Variants in ZBTB1 observed in about 807,000 individuals in gnomAD.
ZBTB1 encodes zinc finger and BTB domain containing 1.
ZBTB1 carries 13 observed loss-of-function variants against 51.6 expected under a neutral mutation model. The observed-to-expected ratio is 0.25, with a 90% CI of 0.16 to 0.40. The LOEUF (loss-of-function observed/expected upper bound fraction) is 0.40. Among genes scored for constraint, ZBTB1 ranks in the 10% least tolerant of loss-of-function variants. ZBTB1 has a pLI of 1.00. For missense variants in ZBTB1, 567 were observed against 856.5 expected, an observed-to-expected ratio of 0.66 and a Z score of 4.22; for synonymous variants, 240 against 282.2, an observed-to-expected ratio of 0.85 and a Z score of 1.50.
intron 1 of ZBTB1, among the ~76,000 whole-genome samples, chr14:64,520,235 C>A (rs1302400685): frequency 6.6e-6 from 1 of 152,114 alleles, no homozygotes; most frequent in Non-Finnish European, 1.5e-5. Flanking sequence ...GATCTCCTGA[C>A]CTCGTGATCC....
Position 64,523,881 on chromosome 14 carries a change from T to C in ZBTB1, c.*235T>C, listed in dbSNP as rs2079882796. On this transcript the variant is annotated 3_prime_UTR_variant, in exon 2 of 2. Transcript: ENST00000683701. This position sits in a 1 kb window ranked among gnomAD's most constrained non-coding sequence, Gnocchi z 4.5. ...TGTTTTTAGTTTTTCTTAGCTATGA[T>C]TAAAATTTTTAAATGTAGACTACAA... 1 of 1,193,386 alleles carries C rather than the reference T, an allele frequency of 8.4e-7. No individual in the cohort carries two copies. Among genetic ancestry groups the C allele is most frequent in the Non-Finnish European group, 1.1e-6 (1 of 950,972 alleles). The allele number at this position is 1,193,386 out of a possible 1,614,324, so 73.9% of individuals were successfully genotyped here.
At chr14:64,526,235 A>T (rs534565549), downstream of ZBTB1, among the ~76,000 whole-genome samples, 2 of 152,184 alleles carry the variant, frequency 1.3e-5, no homozygotes, top group Non-Finnish European at 2.9e-5. Context: ...ATCAAGGCAA[A>T]AAGTTAAAGA....
At position 64,524,657 on chromosome 14, in the gene ZBTB1, C is replaced by T; in HGVS notation, c.*1011C>T. The T allele has an allele frequency of 8.1e-6, 8 of 984,542 alleles. No individual in the cohort carries two copies. The highest frequency in any genetic ancestry group is 8.4e-6 in the Non-Finnish European group (7 of 829,270). The allele number at this position is 984,542 out of a possible 1,614,324, so 61.0% of individuals were successfully genotyped here. A position where few individuals can be genotyped will look rare whatever the true frequency, so the allele number is the denominator to read the frequency against. On this transcript the variant is annotated 3_prime_UTR_variant, in exon 2 of 2. Coordinates refer to ENST00000683701, the MANE Select transcript of ZBTB1 (RefSeq NM_001123329.2). ...GAGATCAATTATAAACCTGGTTGTTCTATAAAAGTAGAGTGCACAAAAAAA... is the reference window on the plus strand; with the variant it reads ...GAGATCAATTATAAACCTGGTTGTTTTATAAAAGTAGAGTGCACAAAAAAA...
At chr14:64,510,392 A>G (rs1411467246) in intron 1 of ZBTB1, among the ~76,000 whole-genome samples, 2 of 152,214 alleles carry the variant, frequency 1.3e-5, no homozygotes, top group African/African-American at 4.8e-5. Context: ...AGCTGTTCTG[A>G]TTATTAAAAT....
intron 1 of ZBTB1, chr14:64,516,576 G>A (rs2079788617): frequency 6.6e-6 from 1 of 152,250 alleles, no homozygotes; most frequent in Admixed American, 6.5e-5. Context: ...GTCTGACTGA[G>A]AGCACTTGTT....
At position 64,522,510 on chromosome 14, in the gene ZBTB1, A is replaced by G; in HGVS notation, c.1006A>G (p.Thr336Ala). ...IIKMEPEDIP[T>A]DELKDFNIIK... ...TAAGATGGAGCCAGAAGATATTCCT[A>G]CAGATGAACTGAAAGACTTTAACAT... Residue 336 changes from threonine to alanine, a missense_variant, in exon 2 of 2, where the codon ACA (threonine) becomes GCA (alanine). Thr to Ala is a moderately conservative substitution (Grantham distance 58, BLOSUM62 0). Coordinates refer to ENST00000683701, the MANE Select transcript of ZBTB1 (RefSeq NM_001123329.2). The G allele has an allele frequency of 6.2e-7, 1 of 1,614,168 alleles. No individual in the cohort carries two copies. Among genetic ancestry groups the G allele is most frequent in the Non-Finnish European group, 8.5e-7 (1 of 1,180,016 alleles).
rs2079782092 is a variant in ZBTB1, at chr14:64,516,079, A to G, written c.-18-5408A>G. Reference sequence around the variant, plus strand: ...AAGACCTCATCACTACAAAAAATATACAAAAATTAGCCAGTCATGGTGGCG... The same window carrying G: ...AAGACCTCATCACTACAAAAAATATGCAAAAATTAGCCAGTCATGGTGGCG... On this transcript the variant is annotated intron_variant, in intron 1 of 1. Coordinates refer to ENST00000683701, the MANE Select transcript of ZBTB1 (RefSeq NM_001123329.2). Among the ~76,000 whole-genome samples, 5 of 152,126 alleles carry G rather than the reference A, an allele frequency of 3.3e-5. No homozygotes were observed. The South Asian group carries it at 1.0e-3, about 32-fold the overall frequency.
chr14:64,531,185 T>C (rs1046826146), intron 2 of ZBTB1, among the ~76,000 whole-genome samples: 2 of 152,176 alleles, frequency 1.3e-5, no homozygotes, highest in Admixed American at 6.5e-5. Flanking sequence ...GATAGAAACA[T>C]TAATTCTAAG....
intron 1 of ZBTB1, among the ~76,000 whole-genome samples, chr14:64,506,516 A>G (rs764684065): frequency 6.6e-6 from 1 of 152,212 alleles, no homozygotes. Context: ...CTGGGCAACA[A>G]GAGCGAGACT....
At chr14:64,504,634 T>G (rs2079607763), upstream of ZBTB1, 1 of 305,304 alleles carries the variant, frequency 3.3e-6, no homozygotes, top group Non-Finnish European at 5.9e-6. Flanking sequence ...AGCGGCAGAG[T>G]GGGTGGGCGG....
chr14:64,507,038 T>A (rs1038248985), intron 1 of ZBTB1, among the ~76,000 whole-genome samples: 3 of 152,210 alleles, frequency 2.0e-5, no homozygotes, highest in African/African-American at 7.2e-5. Context: ...CTTTCTAATG[T>A]GCAGGAGAAA....
rs1395657080 is a variant in ZBTB1 at position 64,524,858 on chromosome 14, TGTTA to T, written c.*1216_*1219del. 3.7e-5 allele frequency: 36 copies of T among 985,282 alleles called. No individual in the cohort carries two copies. Among genetic ancestry groups the T allele is most frequent in the Middle Eastern group, 5.2e-4 (1 of 1,914 alleles). The allele number at this position is 985,282 out of a possible 1,614,324, so 61.0% of individuals were successfully genotyped here. A position where few individuals can be genotyped will look rare whatever the true frequency, so the allele number is the denominator to read the frequency against. On this transcript the variant is annotated 3_prime_UTR_variant, in exon 2 of 2. Coordinates refer to ENST00000683701, the MANE Select transcript of ZBTB1 (RefSeq NM_001123329.2). ...ATTTTTTCAGTTAAAGTAGTAGTAT[TGTTA>T]GTTGTTGCTGACACAGGGTCTACAT...
chr14:64,531,946 T>C, exon 3 of ZBTB1: 1 of 1,607,534 alleles, frequency 6.2e-7, no homozygotes, highest in Non-Finnish European at 8.5e-7. Flanking sequence ...CTTCAACAGA[T>C]AATCTTTAAG....
In ZBTB1 at chr14:64,523,768, T is replaced by C. The variant is rs2079881876; in HGVS notation, c.*122T>C. 7.3e-7 allele frequency: 1 copy of C among 1,368,870 alleles called. No individual in the cohort carries two copies. The highest frequency in any genetic ancestry group is 1.5e-5 in the African/African-American group (1 of 67,968). The allele number at this position is 1,368,870 out of a possible 1,614,324, so 84.8% of individuals were successfully genotyped here. A position where few individuals can be genotyped will look rare whatever the true frequency, so the allele number is the denominator to read the frequency against. On this transcript the variant is annotated 3_prime_UTR_variant, in exon 2 of 2. Coordinates refer to ENST00000683701, the MANE Select transcript of ZBTB1 (RefSeq NM_001123329.2). The surrounding 1 kb of genome is among the most constrained non-coding windows in gnomAD (Gnocchi z 4.5). ...TTAGAAACAAATTTCAAGGCCCTTT[T>C]AACTTTAATATTTTTGTTTAGGATT...
downstream of ZBTB1, among the ~76,000 whole-genome samples, chr14:64,529,019 G>T (rs2079924520): frequency 6.6e-6 from 1 of 152,236 alleles, no homozygotes; most frequent in Non-Finnish European, 1.5e-5. Flanking sequence ...CATCTGCTGT[G>T]CTGGTAAGGT....
At chr14:64,513,219 C>T (rs1321273589) in intron 1 of ZBTB1, among the ~76,000 whole-genome samples, 1 of 151,590 alleles carries the variant, frequency 6.6e-6, no homozygotes, top group Non-Finnish European at 1.5e-5. Context: ...ATATCTCACA[C>T]ATATATATTG....
chr14:64,516,802 A>C (rs2079791324), intron 1 of ZBTB1: 1 of 152,246 alleles, frequency 6.6e-6, no homozygotes, highest in African/African-American at 2.4e-5. Context: ...AAATGCTATA[A>C]GTGCTCTTAT....
At chr14:64,526,360 C>A (rs1383085191), downstream of ZBTB1, among the ~76,000 whole-genome samples, 3 of 152,190 alleles carry the variant, frequency 2.0e-5, no homozygotes, top group African/African-American at 7.2e-5. Context: ...TCATTCCTTG[C>A]TGTTGCTTCT....
chr14:64,504,845 G>A lies in ZBTB1; in HGVS notation c.-120G>A. On this transcript the variant is annotated 5_prime_UTR_variant, in exon 1 of 2. Coordinates refer to ENST00000683701, the MANE Select transcript of ZBTB1 (RefSeq NM_001123329.2). Reference sequence around the variant, plus strand: ...CGAGCGCCGAGCGCCGCGCGCCGCCGCCACTGCAGCTCGCGGCCCCTTCGC... The same window carrying A: ...CGAGCGCCGAGCGCCGCGCGCCGCCACCACTGCAGCTCGCGGCCCCTTCGC... 2.5e-6 allele frequency: 1 copy of A among 395,806 alleles called. No individual in the cohort carries two copies. Among genetic ancestry groups the A allele is most frequent in the Admixed American group, 4.4e-5 (1 of 22,526 alleles). 24.5% of individuals were successfully genotyped at this position (395,806 alleles called of 1,614,324 possible).
Sources: gnomAD v4.1 joint callset for allele counts (sites outside exome capture counted in the v4.1 genomes callset) on GRCh38, gnomAD v4.1.1 for gene constraint, Gnocchi (gnomAD v3.1) non-coding constraint, MANE v1.5 for transcripts, NCBI Gene and HGNC (gene_info 2026-07-23, HGNC 2026-07-21) for gene names.